The following ITSN1 variants were observed in gnomAD, a reference collection of about 807,000 sequenced individuals.
ITSN1 encodes the protein intersectin 1, also known as intersectin-1.
In ITSN1, 58 loss-of-function variants were observed where a neutral mutation model predicts 239.8. That is an observed-to-expected ratio of 0.24 (90% CI 0.20 to 0.30). The LOEUF is 0.30. Ranked by LOEUF, ITSN1 falls within the 10% of genes least tolerant of loss-of-function variation. The pLI is 1.00. For synonymous variants in ITSN1, 780 were observed against 770.8 expected (o/e 1.01, Z -0.20); for missense variants, 1,558 against 2,103.3 (o/e 0.74, Z 5.07).
intron 1 of ITSN1, among the ~76,000 whole-genome samples, chr21:33,655,562 A>G (rs985935673): frequency 6.7e-6 from 1 of 149,448 alleles, no homozygotes; most frequent in African/African-American, 2.5e-5. Context: ...GTAGGATTAC[A>G]GGCACCACCA....
At chr21:33,875,973 C>T (rs1220016117) in intron 34 of ITSN1, among the ~76,000 whole-genome samples, 2 of 152,212 alleles carry the variant, frequency 1.3e-5, no homozygotes, top group South Asian at 2.1e-4. Flanking sequence ...AGCCACCGCG[C>T]CTGGCCATCC....
chr21:33,736,586 A>G (rs1247374413), intron 5 of ITSN1, among the ~76,000 whole-genome samples: 1 of 152,210 alleles, frequency 6.6e-6, no homozygotes, highest in Non-Finnish European at 1.5e-5. Context: ...GTGTGCTCAC[A>G]ATGTTTAGCC....
chr21:33,826,097 C>A (rs2073956059), intron 25 of ITSN1, among the ~76,000 whole-genome samples: 1 of 152,204 alleles, frequency 6.6e-6, no homozygotes, highest in Non-Finnish European at 1.5e-5. Flanking sequence ...GCTTACTTGG[C>A]TGGTTTAAAA....
At chr21:33,747,903 AAAAAT>A (rs1569087234) in intron 5 of ITSN1, among the ~76,000 whole-genome samples, 1 of 152,246 alleles carries the variant, frequency 6.6e-6, no homozygotes, top group Non-Finnish European at 1.5e-5. Flanking sequence ...GAAGAGCATC[AAAAAT>A]GGTAAATATG....
intron 5 of ITSN1, among the ~76,000 whole-genome samples, chr21:33,736,508 G>A (rs901722908): frequency 3.9e-5 from 6 of 152,228 alleles, no homozygotes; most frequent in Non-Finnish European, 7.3e-5. Context: ...GAGCAAAGGC[G>A]AGGAAGAGCA....
At chr21:33,684,414 T>G (rs906945386) in intron 1 of ITSN1, among the ~76,000 whole-genome samples, 3 of 152,162 alleles carry the variant, frequency 2.0e-5, no homozygotes, top group African/African-American at 7.2e-5. Context: ...AATGAAAGTT[T>G]TAAAATGTGG....
intron 12 of ITSN1, 48 bp downstream of exon 12, chr21:33,772,371 C>T (rs1369933248): frequency 3.9e-5 from 60 of 1,540,444 alleles, no homozygotes; most frequent in Non-Finnish European, 3.9e-5. Flanking sequence ...GCGATCACCC[C>T]TTTTCAGAAT....
At chr21:33,838,907 C>T (rs1221059992) in intron 29 of ITSN1, among the ~76,000 whole-genome samples, 1 of 152,202 alleles carries the variant, frequency 6.6e-6, no homozygotes, top group Non-Finnish European at 1.5e-5. Flanking sequence ...AAGACAGAAA[C>T]TTGCACATGC....
chr21:33,770,466 G>C (rs191679561), intron 11 of ITSN1, among the ~76,000 whole-genome samples: 1 of 152,170 alleles, frequency 6.6e-6, no homozygotes, highest in African/African-American at 2.4e-5. Context: ...CAAACATTCA[G>C]TTCCTAACAA....
At chr21:33,671,749 G>A (rs1018083710) in intron 1 of ITSN1, among the ~76,000 whole-genome samples, 4 of 151,592 alleles carry the variant, frequency 2.6e-5, no homozygotes, top group South Asian at 2.1e-4. Flanking sequence ...CTGAGATTGC[G>A]CCATTGCACT....
At position 33,896,009 on chromosome 21, in the gene ITSN1, T is replaced by A. The variant is rs1307352087; in HGVS notation, c.*7709T>A. The A allele has an allele frequency of 6.6e-6, 1 of 152,332 alleles. No homozygotes were observed. Among genetic ancestry groups the A allele is most frequent in the Admixed American group, 6.5e-5 (1 of 15,288 alleles). 9.4% of individuals were successfully genotyped at this position (152,332 alleles called of 1,614,324 possible). A position where few individuals can be genotyped will look rare whatever the true frequency, so the allele number is the denominator to read the frequency against. On this transcript the variant is annotated 3_prime_UTR_variant, in exon 40 of 40. Transcript: ENST00000381318. ...CCCAGGAGGCCGGCCCTGACCACAC[T>A]GTTCTCTGCTGGTTCCCGAAGCTGA... is the stretch of plus-strand genomic sequence containing the variant.
intron 1 of ITSN1, among the ~76,000 whole-genome samples, chr21:33,675,851 C>T (rs549360945): frequency 2.6e-5 from 4 of 152,090 alleles, no homozygotes; most frequent in Admixed American, 2.6e-4. Flanking sequence ...TGGGGTTAAT[C>T]TTTTTTCTTG....
chr21:33,810,812 TAC>T, intron 20 of ITSN1, 161 bp from the exon 21 acceptor site: 2 of 855,094 alleles, frequency 2.3e-6, no homozygotes, highest in Admixed American at 1.8e-5. Context: ...TTTTCAGCAT[TAC>T]TGCTTAGACT....
chr21:33,709,362 C>T (rs144738086), intron 1 of ITSN1, among the ~76,000 whole-genome samples: 8 of 152,088 alleles, frequency 5.3e-5, no homozygotes, highest in African/African-American at 1.2e-4. Context: ...TTGTTTGAGA[C>T]GGAGTTTCAC....
chr21:33,721,068 T>C (rs556595341), intron 2 of ITSN1, 110 bp from the exon 3 acceptor site: 4 of 674,966 alleles, frequency 5.9e-6, no homozygotes, highest in African/African-American at 3.6e-5. Flanking sequence ...ATTTATCAAG[T>C]CTTTATAATA....
chr21:33,740,838 G>T (rs1030301854), intron 5 of ITSN1, among the ~76,000 whole-genome samples: 2 of 152,162 alleles, frequency 1.3e-5, no homozygotes, highest in Non-Finnish European at 2.9e-5. Context: ...GCCAAGGCTG[G>T]AGGATTGCTT....
rs528745457 is a variant in ITSN1 at position 33,770,575 on chromosome 21, C to G, written c.1043-1486C>G. ...CAAAACTCCATATCCATCACTCCCTCCAGCCCCTGGCAACCACCAATCTGC... is the reference window on the plus strand; with the variant it reads ...CAAAACTCCATATCCATCACTCCCTGCAGCCCCTGGCAACCACCAATCTGC... On this transcript the variant is annotated intron_variant, in intron 11 of 39. Coordinates refer to ENST00000381318, the MANE Select transcript of ITSN1 (RefSeq NM_003024.3). 2.6e-5 allele frequency among the ~76,000 whole-genome samples: 4 copies of G among 152,306 alleles called. No homozygotes were observed. The South Asian group carries it at 6.2e-4, about 24-fold the overall frequency.
chr21:33,653,682 C>T (rs2088763738), intron 1 of ITSN1, among the ~76,000 whole-genome samples: 1 of 152,038 alleles, frequency 6.6e-6, no homozygotes, highest in Non-Finnish European at 1.5e-5. Context: ...GCCACCACGC[C>T]CAGCTAATTT....
At chr21:33,735,665 A>G in intron 5 of ITSN1, 1 of 173,690 alleles carries the variant, frequency 5.8e-6, no homozygotes, top group Non-Finnish European at 1.2e-5. Context: ...CTTTCTTAGA[A>G]CAAAATGGAA....
Sources: allele counts gnomAD v4.1 joint callset (sites outside exome capture counted in the v4.1 genomes callset), GRCh38; gene constraint gnomAD v4.1.1; transcripts MANE v1.5; gene names NCBI Gene and HGNC (gene_info 2026-07-23, HGNC 2026-07-21).